ABLIM1: variants seen among roughly 807,000 people sequenced by gnomAD.
ABLIM1 encodes actin-binding LIM protein 1.
Under a neutral mutation model 107.0 loss-of-function variants are expected in ABLIM1, and 40 were observed. The observed-to-expected ratio is 0.37, with a 90% CI of 0.29 to 0.49. The LOEUF is 0.49. ABLIM1 is among the 20% of genes least tolerant of loss of function. The pLI, the probability that ABLIM1 is intolerant of heterozygous loss-of-function variation, is 0.97. For missense variants in ABLIM1, 857 were observed against 1,008.5 expected (o/e 0.85, Z 2.04); for synonymous variants, 357 against 357.3 (o/e 1.00, Z 0.01).
chr10:114,773,786 A>T, the ABLIM1 span, among the ~76,000 whole-genome samples: 3 of 151,962 alleles, frequency 2.0e-5, no homozygotes, highest in African/African-American at 7.2e-5. Flanking sequence ...AAATGAGGGC[A>T]AGATAGATAT....
At chr10:114,643,095 G>A (rs2078824665) in intron 1 of ABLIM1, among the ~76,000 whole-genome samples, 1 of 152,174 alleles carries the variant, frequency 6.6e-6, no homozygotes, top group Admixed American at 6.5e-5. Context: ...AGCCAATTAA[G>A]AGATGAATTA....
At chr10:114,787,738 C>CTGTGGGGG in the ABLIM1 span, among the ~76,000 whole-genome samples, 4 of 136,718 alleles carry the variant, frequency 2.9e-5, no homozygotes, top group Non-Finnish European at 4.9e-5. Context: ...GCCAGCCGCC[C>CTGTGGGGG]CGTCCGGGAG....
chr10:114,801,208 G>A, the ABLIM1 span, among the ~76,000 whole-genome samples: 1 of 152,000 alleles, frequency 6.6e-6, no homozygotes, highest in African/African-American at 2.4e-5. Context: ...GACAACAAGA[G>A]TCCTAGACCA....
At chr10:114,693,925 A>T (rs1591836566) in intron 1 of ABLIM1, among the ~76,000 whole-genome samples, 1 of 151,850 alleles carries the variant, frequency 6.6e-6, no homozygotes, top group East Asian at 1.9e-4. Flanking sequence ...GCCCTCCCAA[A>T]GTGCTGGGAT....
chr10:114,632,104 C>T (rs2078222574), intron 1 of ABLIM1: 1 of 985,188 alleles, frequency 1.0e-6, no homozygotes, highest in Admixed American at 6.1e-5. Context: ...CGCTCCCATG[C>T]CCGCCCCGCT....
chr10:114,440,169 T>C, intron 19 of ABLIM1, 80 bp from the exon 20 acceptor site: 1 of 1,394,332 alleles, frequency 7.2e-7, no homozygotes, highest in Non-Finnish European at 1.0e-6. Context: ...TATATTATAT[T>C]GAAATTCCCA....
intron 2 of ABLIM1, among the ~76,000 whole-genome samples, chr10:114,586,592 A>G (rs1490784067): frequency 6.6e-6 from 1 of 152,204 alleles, no homozygotes; most frequent in Admixed American, 6.6e-5. Flanking sequence ...TTTGTTTTAC[A>G]TGTACTAAGA....
At chr10:114,491,770 G>A (rs769624768) in intron 7 of ABLIM1, 21 bp downstream of exon 7, 1 of 1,587,898 alleles carries the variant, frequency 6.3e-7, no homozygotes, top group Non-Finnish European at 8.6e-7. Flanking sequence ...AAAACTTCTA[G>A]TGTTCTTGAG....
chr10:114,577,767 G>A (rs930355792), intron 2 of ABLIM1, among the ~76,000 whole-genome samples: 3 of 152,090 alleles, frequency 2.0e-5, no homozygotes, highest in African/African-American at 7.2e-5. Context: ...TAGTGCTCAA[G>A]GTGGCTTACA....
intron 1 of ABLIM1, among the ~76,000 whole-genome samples, chr10:114,700,910 A>G (rs2081295608): frequency 1.3e-5 from 2 of 152,182 alleles, no homozygotes; most frequent in African/African-American, 4.8e-5. Context: ...ATAAAATCAC[A>G]AAAATGTATA....
chr10:114,497,270 C>A (rs1331856030), intron 6 of ABLIM1, among the ~76,000 whole-genome samples: 1 of 152,260 alleles, frequency 6.6e-6, no homozygotes, highest in East Asian at 1.9e-4. Context: ...AGGCACATAA[C>A]TGGCAGCCGT....
chr10:114,740,024 T>C (rs1279510027), intron 1 of ABLIM1, among the ~76,000 whole-genome samples: 1 of 152,076 alleles, frequency 6.6e-6, no homozygotes, highest in African/African-American at 2.4e-5. Flanking sequence ...ACAGCAAACC[T>C]GTTGGCATCA....
chr10:114,605,861 ATC>A (rs780702199), intron 1 of ABLIM1, among the ~76,000 whole-genome samples: 2 of 152,178 alleles, frequency 1.3e-5, no homozygotes, highest in Admixed American at 6.5e-5. Flanking sequence ...AGCAAAGCAG[ATC>A]AGCCATGTCT....
At chr10:114,776,567 T>C in the ABLIM1 span, among the ~76,000 whole-genome samples, 1 of 152,110 alleles carries the variant, frequency 6.6e-6, no homozygotes, top group Non-Finnish European at 1.5e-5. Flanking sequence ...GAGCCTAGAC[T>C]GTGCCACTGC....
At chr10:114,626,556 G>A (rs142240899) in intron 1 of ABLIM1, among the ~76,000 whole-genome samples, 177 of 151,936 alleles carry the variant, frequency 1.2e-3, no homozygotes, top group African/African-American at 3.9e-3. Context: ...TCCTCCCACC[G>A]ACCTCCTCCC....
intron 5 of ABLIM1, among the ~76,000 whole-genome samples, chr10:114,546,317 C>G (rs2067339810): frequency 7.1e-6 from 1 of 141,680 alleles, no homozygotes; most frequent in Admixed American, 7.5e-5. Flanking sequence ...TTTTTTGAGA[C>G]AGAGTCTTGC....
intron 1 of ABLIM1, among the ~76,000 whole-genome samples, chr10:114,615,050 CAAA>C (rs35393607): frequency 7.3e-6 from 1 of 136,792 alleles, no homozygotes. Flanking sequence ...AACTCTGTCT[CAAA>C]AAAAAAAAAA....
At chr10:114,583,460 CACACACACATATATATATATATATATAT>C (rs1566009438) in intron 2 of ABLIM1, among the ~76,000 whole-genome samples, 28 of 10,306 alleles carry the variant, frequency 2.7e-3, no homozygotes, top group Non-Finnish European at 3.5e-3. Context: ...CACACACACA[CACACACACATATATATATATATATATAT>C]ATATATATAT....
intron 1 of ABLIM1, among the ~76,000 whole-genome samples, chr10:114,639,703 T>A (rs1225506204): frequency 6.6e-6 from 1 of 152,276 alleles, no homozygotes; most frequent in Non-Finnish European, 1.5e-5. Context: ...TTTGGTTTAA[T>A]GCTTTGCTAT....
Sources: allele counts gnomAD v4.1 joint callset (sites outside exome capture counted in the v4.1 genomes callset), GRCh38; gene constraint gnomAD v4.1.1; transcripts MANE v1.5; gene names NCBI Gene and HGNC (gene_info 2026-07-23, HGNC 2026-07-21).